The following EIPR1 variants were observed in gnomAD, a reference collection of about 807,000 sequenced individuals.
EIPR1 encodes EARP and GARP complex-interacting protein 1.
A neutral mutation model predicts 48.1 loss-of-function variants in EIPR1; 25 were observed. That is an observed-to-expected ratio of 0.52 (90% CI 0.38 to 0.73). The LOEUF is 0.73. EIPR1 is among the 30% of genes least tolerant of loss of function. The pLI, the probability that EIPR1 is intolerant of heterozygous loss-of-function variation, is 0.00. For missense variants in EIPR1, 415 were observed against 506.2 expected, an observed-to-expected ratio of 0.82 and a Z score of 1.73; for synonymous variants, 204 against 201.9, an observed-to-expected ratio of 1.01 and a Z score of -0.09.
chr2:3,222,596 A>G lies in EIPR1; in HGVS notation c.417-8348T>C, dbSNP rs180818526. On this transcript the variant is annotated intron_variant, in intron 4 of 8. Coordinates refer to ENST00000382125, the MANE Select transcript of EIPR1 (RefSeq NM_003310.5). ...ATGCTTCTTGGGTTCTGAAGATCAC[A>G]GGGAACATTGTAAGGCTGTGATGAA... Among the ~76,000 whole-genome samples the G allele has an allele frequency of 5.6e-3, 856 of 152,346 alleles. 8 individuals are homozygous for G. Among genetic ancestry groups the G allele is most frequent in the African/African-American group, 0.019 (792 of 41,580 alleles).
chr2:3,242,967 A>G (rs1261942757), intron 4 of EIPR1, among the ~76,000 whole-genome samples: 2 of 152,316 alleles, frequency 1.3e-5, no homozygotes, highest in East Asian at 3.9e-4. Flanking sequence ...TCAAATCTGC[A>G]GATGTACAAG....
chr2:3,206,311 T>C (rs1665232986), intron 5 of EIPR1, among the ~76,000 whole-genome samples: 1 of 152,200 alleles, frequency 6.6e-6, no homozygotes, highest in Non-Finnish European at 1.5e-5. Context: ...GGTAGGCCCT[T>C]AGCCCTGAGG....
intron 3 of EIPR1, among the ~76,000 whole-genome samples, chr2:3,274,770 C>A: frequency 6.6e-6 from 1 of 151,518 alleles, no homozygotes; most frequent in African/African-American, 2.4e-5. Context: ...AAAATACTGG[C>A]CAACAAAGTA....
intron 3 of EIPR1, among the ~76,000 whole-genome samples, chr2:3,306,827 C>T (rs1045291429): frequency 2.0e-5 from 3 of 152,098 alleles, no homozygotes; most frequent in Non-Finnish European, 2.9e-5. Context: ...TAAGTGGACC[C>T]CCCCAGTCCA....
At chr2:3,356,608 C>G (rs540174411) in intron 1 of EIPR1, among the ~76,000 whole-genome samples, 2 of 152,300 alleles carry the variant, frequency 1.3e-5, no homozygotes, top group Admixed American at 1.3e-4. Flanking sequence ...ATCCCCAGAA[C>G]CTGTGAATGT....
intron 4 of EIPR1, among the ~76,000 whole-genome samples, chr2:3,226,096 G>A (rs1215660810): frequency 3.9e-5 from 6 of 152,194 alleles, no homozygotes; most frequent in Non-Finnish European, 7.3e-5. Context: ...AGCTGCCTTT[G>A]ACATGGAGGT....
At chr2:3,294,820 C>T (rs1668490675) in intron 3 of EIPR1, among the ~76,000 whole-genome samples, 1 of 148,660 alleles carries the variant, frequency 6.7e-6, no homozygotes, top group Admixed American at 6.7e-5. Context: ...TCTCTCCACA[C>T]ACCCTCCATC....
At position 3,312,560 on chromosome 2, in the gene EIPR1, T is replaced by C. The variant is rs951714883; in HGVS notation, c.259+25457A>G. Among the ~76,000 whole-genome samples, 2 of 152,208 alleles carry C rather than the reference T, an allele frequency of 1.3e-5. No individual in the cohort carries two copies. The highest frequency in any genetic ancestry group is 4.8e-5 in the African/African-American group (2 of 41,462). ...CCCACCACTCAGCACCTGCTCATCA[T>C]TGTCAGCATGTTTCTGGTCTCTTAA... On this transcript the variant is annotated intron_variant, in intron 3 of 8. Transcript: ENST00000382125. The surrounding 1 kb of genome is among the most constrained non-coding windows in gnomAD (Gnocchi z 5.5).
intron 3 of EIPR1, among the ~76,000 whole-genome samples, chr2:3,299,783 C>T (rs530861234): frequency 4.4e-4 from 67 of 152,252 alleles, no homozygotes; most frequent in Non-Finnish European, 5.3e-4. Context: ...ATTCACCAAG[C>T]TGCATTCCCT....
At chr2:3,215,799 CACA>C (rs975669162) in intron 4 of EIPR1, among the ~76,000 whole-genome samples, 1 of 152,222 alleles carries the variant, frequency 6.6e-6, no homozygotes, top group African/African-American at 2.4e-5. Flanking sequence ...TACTTGTAAT[CACA>C]ACATTAACAT....
At chr2:3,282,864 C>T (rs144961900) in intron 3 of EIPR1, 19 of 152,332 alleles carry the variant, frequency 1.2e-4, no homozygotes, top group Admixed American at 3.3e-4. Context: ...TTAATGACTA[C>T]GCCACTCTCA....
chr2:3,344,634 C>CTTTTTTTT (rs1178498027), intron 2 of EIPR1, among the ~76,000 whole-genome samples: 2 of 74,192 alleles, frequency 2.7e-5, no homozygotes, highest in African/African-American at 5.8e-5. Context: ...GGTTCTGGTT[C>CTTTTTTTT]TTTTTTTTTT....
At chr2:3,278,584 C>T (rs541629291) in intron 3 of EIPR1, among the ~76,000 whole-genome samples, 152 of 152,248 alleles carry the variant, frequency 1.0e-3, no homozygotes, top group African/African-American at 3.3e-3. Flanking sequence ...TCACGACTTC[C>T]GACCCCTGAG....
intron 4 of EIPR1, among the ~76,000 whole-genome samples, chr2:3,230,301 T>C (rs1045668529): frequency 5.9e-5 from 9 of 152,196 alleles, no homozygotes; most frequent in East Asian, 3.9e-4. Context: ...GAAACTGCCA[T>C]TGGCACATCC....
chr2:3,272,262 ATCATTTGTGTGTTCACTGGAG>A (rs1667721775), intron 3 of EIPR1, among the ~76,000 whole-genome samples: 1 of 152,264 alleles, frequency 6.6e-6, no homozygotes, highest in African/African-American at 2.4e-5. Flanking sequence ...TGGCTTTCTT[ATCATTTGTGTGTTCACTGGAG>A]TAGCACTTTT....
At chr2:3,376,648 G>A (rs982849970) in intron 1 of EIPR1, among the ~76,000 whole-genome samples, 17 of 147,296 alleles carry the variant, frequency 1.2e-4, no homozygotes, top group Admixed American at 2.1e-4. Context: ...CCGAGGTCAC[G>A]CCACTGCACT....
intron 3 of EIPR1, chr2:3,298,251 A>G (rs1397037259): frequency 6.6e-6 from 1 of 152,102 alleles, no homozygotes; most frequent in Admixed American, 6.6e-5. Flanking sequence ...GGTTTTATTT[A>G]TATGTCTATT....
chr2:3,253,021 A>G (rs889497304), intron 4 of EIPR1, among the ~76,000 whole-genome samples: 12 of 152,118 alleles, frequency 7.9e-5, no homozygotes, highest in African/African-American at 2.9e-4. Context: ...GCCTCATTCT[A>G]CCTCTCTGGC....
At chr2:3,336,247 C>A (rs1244404742) in intron 3 of EIPR1, among the ~76,000 whole-genome samples, 1 of 152,202 alleles carries the variant, frequency 6.6e-6, no homozygotes, top group East Asian at 1.9e-4. Context: ...GAAGTGAAGC[C>A]TCAGGAAATC....
Sources: allele counts gnomAD v4.1 joint callset (sites outside exome capture counted in the v4.1 genomes callset), GRCh38; gene constraint gnomAD v4.1.1; non-coding constraint Gnocchi (gnomAD v3.1); transcripts MANE v1.5; gene names NCBI Gene and HGNC (gene_info 2026-07-23, HGNC 2026-07-21).